Variants in TMEM108 observed in about 807,000 individuals in gnomAD.
TMEM108 encodes the protein cancer/testis antigen 124.
Under a neutral mutation model 35.1 loss-of-function variants are expected in TMEM108, and 12 were observed. That is an observed-to-expected ratio of 0.34 (90% CI 0.22 to 0.55). The LOEUF (loss-of-function observed/expected upper bound fraction) is 0.55. Among genes scored for constraint, TMEM108 ranks in the 20% least tolerant of loss-of-function variants. TMEM108 has a pLI of 0.89. For missense variants in TMEM108, 680 were observed against 753.3 expected, an observed-to-expected ratio of 0.90 and a Z score of 1.14; for synonymous variants, 287 against 308.6, an observed-to-expected ratio of 0.93 and a Z score of 0.73.
intron 3 of TMEM108, among the ~76,000 whole-genome samples, chr3:133,363,133 G>T (rs1295962946): frequency 2.6e-5 from 4 of 152,136 alleles, no homozygotes; most frequent in Admixed American, 2.6e-4. Flanking sequence ...CTATTGTGAT[G>T]AACAACTTGG....
chr3:133,352,052 T>TTTACCCAAGGTG (rs1232926086), intron 3 of TMEM108, among the ~76,000 whole-genome samples: 1 of 152,128 alleles, frequency 6.6e-6, no homozygotes, highest in Non-Finnish European at 1.5e-5. Context: ...AACCTCATTC[T>TTTACCCAAGGTG]TAAACTTTAA....
At chr3:133,127,512 TA>T (rs1274453831) in intron 2 of TMEM108, among the ~76,000 whole-genome samples, 1 of 152,224 alleles carries the variant, frequency 6.6e-6, no homozygotes, top group Admixed American at 6.5e-5. Flanking sequence ...CCATTCAGGC[TA>T]TATTAGAACC....
At chr3:133,300,982 ACACACACAC>A (rs1947215691) in intron 3 of TMEM108, among the ~76,000 whole-genome samples, 1 of 738 alleles carries the variant, frequency 1.4e-3, no homozygotes, top group Non-Finnish European at 9.8e-3. Flanking sequence ...CAGTACACAC[ACACACACAC>A]ACACACACAC....
chr3:133,245,360 C>T (rs1946370079), intron 3 of TMEM108, among the ~76,000 whole-genome samples: 1 of 152,226 alleles, frequency 6.6e-6, no homozygotes, highest in Non-Finnish European at 1.5e-5. Context: ...TCTTCAAGCA[C>T]TTCAACTTAT....
intron 2 of TMEM108, among the ~76,000 whole-genome samples, chr3:133,197,357 T>C (rs1576375829): frequency 6.6e-6 from 1 of 151,900 alleles, no homozygotes; most frequent in Non-Finnish European, 1.5e-5. Context: ...ATTTGGGAGG[T>C]GATACCAGGG....
intron 2 of TMEM108, among the ~76,000 whole-genome samples, chr3:133,073,502 C>A (rs1471029744): frequency 1.1e-5 from 1 of 90,430 alleles, no homozygotes; most frequent in Non-Finnish European, 2.1e-5. Context: ...CTCTCTCTCT[C>A]TCTCTCTCTA....
intron 3 of TMEM108, among the ~76,000 whole-genome samples, chr3:133,338,567 A>G (rs1175453319): frequency 6.6e-6 from 1 of 152,142 alleles, no homozygotes; most frequent in Non-Finnish European, 1.5e-5. Flanking sequence ...CAGTTCTTCA[A>G]TCAGAAAGAA....
intron 2 of TMEM108, among the ~76,000 whole-genome samples, chr3:133,225,159 G>T (rs1159919932): frequency 1.3e-5 from 2 of 150,362 alleles, no homozygotes; most frequent in Non-Finnish European, 2.9e-5. Context: ...CAATTCTCCT[G>T]CCTCAGCCTC....
chr3:133,213,409 G>C (rs1201742874), intron 2 of TMEM108, among the ~76,000 whole-genome samples: 1 of 152,210 alleles, frequency 6.6e-6, no homozygotes, highest in Non-Finnish European at 1.5e-5. Flanking sequence ...GCCTGCCATT[G>C]TGCTTGCACT....
chr3:133,371,594 G>A (rs1308267789), intron 3 of TMEM108, among the ~76,000 whole-genome samples: 1 of 112,094 alleles, frequency 8.9e-6, no homozygotes, highest in East Asian at 2.7e-4. Flanking sequence ...TAGCATCACT[G>A]CAGCCAGTCA....
chr3:133,395,813 A>C, intron 5 of TMEM108, 51 bp from the exon 6 acceptor site: 1 of 1,463,472 alleles, frequency 6.8e-7, no homozygotes, highest in Non-Finnish European at 9.1e-7. Flanking sequence ...AAGAATGGCC[A>C]CCTCTTAAGC....
intron 2 of TMEM108, among the ~76,000 whole-genome samples, chr3:133,174,721 T>C (rs888796527): frequency 6.6e-6 from 1 of 151,758 alleles, no homozygotes; most frequent in African/African-American, 2.4e-5. Flanking sequence ...ACCACAAAGA[T>C]GGGGAAAAAA....
At chr3:133,137,730 T>C (rs1181783461) in intron 2 of TMEM108, among the ~76,000 whole-genome samples, 1 of 152,148 alleles carries the variant, frequency 6.6e-6, no homozygotes, top group Non-Finnish European at 1.5e-5. Context: ...CCTAGTGGTT[T>C]AAAATTGACT....
At chr3:133,109,710 T>G (rs2107723472) in intron 2 of TMEM108, among the ~76,000 whole-genome samples, 1 of 152,266 alleles carries the variant, frequency 6.6e-6, no homozygotes, top group Middle Eastern at 3.4e-3. Context: ...ATGGAAAACA[T>G]GAGAAAGGCT....
At chr3:133,345,092 G>A (rs1370674974) in intron 3 of TMEM108, among the ~76,000 whole-genome samples, 1 of 151,686 alleles carries the variant, frequency 6.6e-6, no homozygotes, top group African/African-American at 2.4e-5. Flanking sequence ...TCATGTAACC[G>A]AGTTTCCAAA....
intron 2 of TMEM108, among the ~76,000 whole-genome samples, chr3:133,179,610 A>T (rs553960493): frequency 3.0e-4 from 45 of 152,178 alleles, no homozygotes; most frequent in Admixed American, 1.2e-3. Flanking sequence ...GAACAATGAG[A>T]ACACATGGAC....
At chr3:133,363,933 T>C (rs2072430913) in intron 3 of TMEM108, among the ~76,000 whole-genome samples, 1 of 152,242 alleles carries the variant, frequency 6.6e-6, no homozygotes, top group African/African-American at 2.4e-5. Flanking sequence ...TAATATTTTA[T>C]ACTTAACGGT....
At chr3:133,270,804 C>T (rs1281411215) in intron 3 of TMEM108, among the ~76,000 whole-genome samples, 1 of 151,164 alleles carries the variant, frequency 6.6e-6, no homozygotes, top group South Asian at 2.1e-4. Context: ...TACACACACA[C>T]ACACACACAC....
In TMEM108 at chr3:133,366,017, G is replaced by A. The variant is rs139659090; in HGVS notation, c.41-13735G>A. On this transcript the variant is annotated intron_variant, in intron 3 of 5. Coordinates refer to ENST00000321871, the MANE Select transcript of TMEM108 (RefSeq NM_023943.4). ...AAAAAACAGTAATAGACTTAGTTGT[G>A]CATCTTGGCTCCACCTTGAATGTGT... is the stretch of plus-strand genomic sequence containing the variant. 2.3e-3 allele frequency among the ~76,000 whole-genome samples: 355 copies of A among 152,312 alleles called. 2 individuals are homozygous for A. The highest frequency in any genetic ancestry group is 8.0e-3 in the African/African-American group (333 of 41,562).
Sources: allele counts gnomAD v4.1 joint callset (sites outside exome capture counted in the v4.1 genomes callset), GRCh38; gene constraint gnomAD v4.1.1; transcripts MANE v1.5; gene names NCBI Gene and HGNC (gene_info 2026-07-23, HGNC 2026-07-21).